The following APEH variants were observed in gnomAD, a reference collection of about 807,000 sequenced individuals.
APEH encodes the protein acylaminoacyl-peptide hydrolase, also known as acylamino-acid-releasing enzyme.
In APEH, 75 loss-of-function variants were observed where a neutral mutation model predicts 102.7. The ratio of observed to expected loss-of-function variants is 0.73; its 90% CI spans 0.61 to 0.89. The LOEUF (loss-of-function observed/expected upper bound fraction) is 0.89, where lower values mean the gene tolerates loss of function less well. Ranked by LOEUF, APEH falls within the 40% of genes least tolerant of loss-of-function variation. The pLI is 0.00. For synonymous variants in APEH, 344 were observed against 362.7 expected, an observed-to-expected ratio of 0.95 and a Z score of 0.59; for missense variants, 863 against 941.2, an observed-to-expected ratio of 0.92 and a Z score of 1.09.
intron 3 of APEH, 178 bp from the exon 4 acceptor site, chr3:49,675,516 G>A: frequency 1.0e-6 from 1 of 964,288 alleles, no homozygotes; most frequent in South Asian, 1.6e-5. Flanking sequence ...GGTGGCCTGG[G>A]GAGTTGCAGA....
chr3:49,675,715 T>G lies in APEH; in HGVS notation c.294T>G (p.Pro98=). ...ACAGACTGCTGAGCAGAGAGTCTCC[T>G]TCAGGCACCATGAAAGCTGTGCTGC... ...TRGELLSRES[P]SGTMKAVLRK... Residue 98 remains proline (P), a synonymous_variant, in exon 4 of 22, where the codon CCT becomes CCG. Transcript: ENST00000296456. The G allele has an allele frequency of 6.2e-7, 1 of 1,614,008 alleles. No homozygotes were observed.
chr3:49,681,588 C>T, intron 15 of APEH, 134 bp from the exon 16 acceptor site: 1 of 780,290 alleles, frequency 1.3e-6, no homozygotes, highest in Non-Finnish European at 2.0e-6. Context: ...CTTCTGGGGT[C>T]CATGTGTCAT....
rs563976700 is a variant in APEH at position 49,679,536 on chromosome 3, T to C, written c.1159-57T>C. On this transcript the variant is annotated intron_variant, in intron 12 of 21. Transcript: ENST00000296456. The surrounding 1 kb of genome is among the most constrained non-coding windows in gnomAD (Gnocchi z 4.3). The stretch of plus-strand genomic sequence containing the variant: ...AGAGAGGAGGTAGGGGAGGGACCCA[T>C]AGGTAGAGGGAGTACTCTTGGATGT... The C allele has an allele frequency of 3.6e-5, 57 of 1,578,818 alleles. No individual in the cohort carries two copies. In the Admixed American group the frequency reaches 3.7e-4, roughly 10 times the overall value.
intron 3 of APEH, 181 bp downstream of exon 3, chr3:49,675,490 C>A: frequency 9.5e-7 from 1 of 1,047,832 alleles, no homozygotes; most frequent in South Asian, 1.6e-5. Flanking sequence ...CAAACTCAGC[C>A]TGGACTAGAG....
In APEH at chr3:49,675,806, A is replaced by C; in HGVS notation, c.366+19A>C. ...CCTGGAGGTGAGTCTGCATGGGACC[A>C]GGTAGTGGGTGACAAGAGAGAGGCT... On this transcript the variant is annotated intron_variant, in intron 4 of 21. Coordinates refer to ENST00000296456, the MANE Select transcript of APEH (RefSeq NM_001640.4). 2 of 1,613,188 alleles carry C rather than the reference A, an allele frequency of 1.2e-6. No individual in the cohort carries two copies. The highest frequency in any genetic ancestry group is 1.7e-5 in the Admixed American group (1 of 60,030).
In APEH at chr3:49,683,302, T is replaced by A; in HGVS notation, c.2159T>A (p.Met720Lys). ...SEVEVESDSFMNAVLWLRTHL... is the reference protein window; with the variant it reads ...SEVEVESDSFKNAVLWLRTHL... Reference sequence around the variant, plus strand: ...GTGGAGGTGGAGTCAGACAGCTTCATGAATGCTGTGCTCTGGCTACGCACA... The same window carrying A: ...GTGGAGGTGGAGTCAGACAGCTTCAAGAATGCTGTGCTCTGGCTACGCACA... Residue 720 changes from methionine to lysine, a missense_variant, in exon 22 of 22, where the codon ATG (methionine) becomes AAG (lysine). Coordinates refer to ENST00000296456, the MANE Select transcript of APEH (RefSeq NM_001640.4). The A allele has an allele frequency of 1.9e-6, 3 of 1,613,992 alleles. No individual in the cohort carries two copies. The highest frequency in any genetic ancestry group is 2.5e-6 in the Non-Finnish European group (3 of 1,179,984).
rs762668456 is a variant in APEH at position 49,676,912 on chromosome 3, C to G, written c.887C>G (p.Ser296Trp). ...TTTCCATCTGGCCCAGAGCTCCTCT[C>G]GGATGACTCCCTGGCTGTCTCTTCT... ...DLIGGKCELLSDDSLAVSSPR... is the reference protein window; with the variant it reads ...DLIGGKCELLWDDSLAVSSPR... The change falls in exon 10 of 22, where the codon TCG becomes TGG. Residue 296 changes from serine to tryptophan, a missense_variant. Physicochemically the swap from Ser to Trp is radical, Grantham distance 177. Coordinates refer to ENST00000296456, the MANE Select transcript of APEH (RefSeq NM_001640.4). The G allele has an allele frequency of 6.2e-7, 1 of 1,614,202 alleles. No individual in the cohort carries two copies. Among genetic ancestry groups the G allele is most frequent in the Non-Finnish European group, 8.5e-7 (1 of 1,180,034 alleles).
At chr3:49,677,880 TTGA>T (rs2053141056) in intron 11 of APEH, among the ~76,000 whole-genome samples, 1 of 152,044 alleles carries the variant, frequency 6.6e-6, no homozygotes, top group Non-Finnish European at 1.5e-5. Context: ...GTGGCCCAAG[TTGA>T]TGATGTATTA....
At chr3:49,682,210 C>CTGG (rs1553676798) in intron 17 of APEH, 138 bp from the exon 18 acceptor site, 2 of 982,700 alleles carry the variant, frequency 2.0e-6, no homozygotes, top group Non-Finnish European at 3.0e-6. Context: ...CCTCAAATCT[C>CTGG]TGAGTCCCTT....
chr3:49,678,835 C>G lies in APEH; in HGVS notation c.1061-17C>G. 1 of 1,598,016 alleles carries G rather than the reference C, an allele frequency of 6.3e-7. No homozygotes were observed. The highest frequency in any genetic ancestry group is 8.6e-7 in the Non-Finnish European group (1 of 1,165,764). On this transcript the variant is annotated splice_polypyrimidine_tract_variant and intron_variant, in intron 11 of 21. Coordinates refer to ENST00000296456, the MANE Select transcript of APEH (RefSeq NM_001640.4). Reference sequence around the variant, plus strand: ...CCTCCACTCCTGGATGCAGCCTCAGCCCTCCTATCTTTACAGAGAACTTCT... The same window carrying G: ...CCTCCACTCCTGGATGCAGCCTCAGGCCTCCTATCTTTACAGAGAACTTCT...
chr3:49,674,718 G>T (rs1160907211), intron 2 of APEH, 97 bp downstream of exon 2: 35 of 1,477,504 alleles, frequency 2.4e-5, no homozygotes, highest in Non-Finnish European at 2.9e-5. Context: ...GTGCGTAAGG[G>T]TATATAGGGA....
At position 49,676,484 on chromosome 3, in the gene APEH, A is replaced by AG. The variant is rs753750269; in HGVS notation, c.718dup (p.Val240GlyfsTer3). 2.1e-5 allele frequency: 34 copies of AG among 1,614,086 alleles called. No homozygotes were observed. The highest frequency in any genetic ancestry group is 9.3e-6 in the Non-Finnish European group (11 of 1,180,038). On this transcript the variant is annotated frameshift_variant, in exon 7 of 22. Transcript: ENST00000296456. LOFTEE classifies it high-confidence loss of function. Reference sequence around the variant, plus strand: ...GAGAGTGGCAACATCTCTGTGCTTGAGGGGGTCCCTGAGAATGTGTCCCCT... The same window carrying AG: ...GAGAGTGGCAACATCTCTGTGCTTGAGGGGGGTCCCTGAGAATGTGTCCCCT...
Position 49,682,640 on chromosome 3 carries a change from TGATTGGTCA to T in APEH, c.1789_1797del (p.Ile597_Gln599del), listed in dbSNP as rs2053393961. On this transcript the variant is annotated inframe_deletion, in exon 19 of 22. Coordinates refer to ENST00000296456, the MANE Select transcript of APEH (RefSeq NM_001640.4). Reference sequence around the variant, plus strand: ...CATGGTGGCTTCATTTCCTGCCACTTGATTGGTCAGTACCCAGAGACCTACAGGGCCTGC... The same window carrying T: ...CATGGTGGCTTCATTTCCTGCCACTTGTACCCAGAGACCTACAGGGCCTGC... The T allele has an allele frequency of 1.2e-6, 2 of 1,614,104 alleles. No individual in the cohort carries two copies. The highest frequency in any genetic ancestry group is 1.7e-6 in the Non-Finnish European group (2 of 1,180,032).
In APEH at chr3:49,674,588, C is replaced by A; in HGVS notation, c.112C>A (p.Gln38Lys). The A allele has an allele frequency of 6.3e-7, 1 of 1,580,526 alleles. No individual in the cohort carries two copies. The highest frequency in any genetic ancestry group is 8.5e-7 in the Non-Finnish European group (1 of 1,172,854). Reference protein sequence around the residue: ...AACLGPEVTTQYGGQYRTVHT... With the variant: ...AACLGPEVTTKYGGQYRTVHT... ...CTGCCTGGGCCCGGAGGTCACCACG[C>A]AGTACGGCGGCCAATACCGGACGGT... The change falls in exon 2 of 22, where the codon CAG becomes AAG. Residue 38 changes from glutamine to lysine, a missense_variant. Gln to Lys is a moderately conservative substitution (Grantham distance 53). Transcript: ENST00000296456.
chr3:49,675,535 T>C (rs1035119363), intron 3 of APEH, 159 bp from the exon 4 acceptor site: 2 of 957,960 alleles, frequency 2.1e-6, no homozygotes, highest in Admixed American at 4.6e-5. Context: ...GAGAGTAGAG[T>C]CTCTGCCTCA....
intron 15 of APEH, 131 bp from the exon 16 acceptor site, chr3:49,681,591 T>C (rs2053321264): frequency 1.3e-6 from 1 of 792,684 alleles, no homozygotes; most frequent in Non-Finnish European, 1.9e-6. Context: ...CTGGGGTCCA[T>C]GTGTCATGGT....
chr3:49,675,122 C>T, intron 2 of APEH, 61 bp from the exon 3 acceptor site: 2 of 1,608,572 alleles, frequency 1.2e-6, no homozygotes, highest in Non-Finnish European at 1.7e-6. Context: ...TCAGGTGGGG[C>T]TGGGGGCAGT....
rs759513667 is a variant in APEH at position 49,680,588 on chromosome 3, A to C, written c.1258A>C (p.Met420Leu). 10 of 1,614,084 alleles carry C rather than the reference A, an allele frequency of 6.2e-6. No homozygotes were observed. Among genetic ancestry groups the C allele is most frequent in the Non-Finnish European group, 8.5e-6 (10 of 1,179,998 alleles). Residue 420 changes from methionine (M) to leucine (L), a missense_variant, in exon 14 of 22, where the codon ATG becomes CTG. Transcript: ENST00000296456. ...GTTGCTCACAATTGACCAGGACCTCATGGTGGCACAGTTTTCCACACCCAG... is the reference window on the plus strand; with the variant it reads ...GTTGCTCACAATTGACCAGGACCTCCTGGTGGCACAGTTTTCCACACCCAG... ...WKLLTIDQDL[M>L]VAQFSTPSLP...
At position 49,683,955 on chromosome 3, in the gene APEH, T is replaced by A; in HGVS notation, c.*613T>A. The stretch of plus-strand genomic sequence containing the variant: ...AGGCTAAGAAGCATCTGTACAGGCA[T>A]AAAGAGGAAACATGGCTTTATGTCT... On this transcript the variant is annotated 3_prime_UTR_variant, in exon 22 of 22. Coordinates refer to ENST00000296456, the MANE Select transcript of APEH (RefSeq NM_001640.4). 3.2e-6 allele frequency: 5 copies of A among 1,570,448 alleles called. No homozygotes were observed. The highest frequency in any genetic ancestry group is 4.3e-6 in the Non-Finnish European group (5 of 1,159,556).
Sources: gnomAD v4.1 joint callset for allele counts (sites outside exome capture counted in the v4.1 genomes callset) on GRCh38, gnomAD v4.1.1 for gene constraint, Gnocchi (gnomAD v3.1) non-coding constraint, MANE v1.5 for transcripts, NCBI Gene and HGNC (gene_info 2026-07-23, HGNC 2026-07-21) for gene names.